Variants in ANO7 observed in about 807,000 individuals in gnomAD.
ANO7 encodes the protein anoctamin-7.
A neutral mutation model predicts 115.8 loss-of-function variants in ANO7; 114 were observed. That is an observed-to-expected ratio of 0.98 (90% confidence interval 0.85 to 1.15). ANO7 has a LOEUF of 1.15. ANO7 is among the 50% of genes most tolerant of loss of function. ANO7 has a pLI of 0.00. For missense variants in ANO7, 1,302 were observed against 1,201.2 expected, an observed-to-expected ratio of 1.08 and a Z score of -1.24; for synonymous variants, 550 against 498.2, an observed-to-expected ratio of 1.10 and a Z score of -1.38.
the ANO7 span, chr2:241,236,003 C>T: frequency 2.5e-5 from 5 of 198,594 alleles, no homozygotes; most frequent in Non-Finnish European, 5.1e-5. Flanking sequence ...TGGCTAATGC[C>T]CACGAGGTGC....
chr2:241,209,113 C>T (rs1461006290), intron 11 of ANO7, among the ~76,000 whole-genome samples, 172 bp from the exon 12 acceptor site: 2 of 152,220 alleles, frequency 1.3e-5, no homozygotes, highest in East Asian at 3.9e-4. Flanking sequence ...CGCGCCACTG[C>T]ACTCCAGCCT....
At chr2:241,191,310 C>A in intron 3 of ANO7, 59 bp downstream of exon 3, 2 of 1,595,608 alleles carry the variant, frequency 1.3e-6, no homozygotes, top group South Asian at 1.1e-5. Flanking sequence ...GGGGACACCA[C>A]GGGGGTGCCC....
chr2:241,226,949 C>T (rs759002411), downstream of ANO7, among the ~76,000 whole-genome samples: 4 of 152,180 alleles, frequency 2.6e-5, no homozygotes, highest in African/African-American at 9.7e-5. Flanking sequence ...ACTCACAGGC[C>T]GGGTCCAGGG....
At chr2:241,218,568 C>T (rs552878542) in intron 21 of ANO7, among the ~76,000 whole-genome samples, 187 bp downstream of exon 21, 1 of 152,012 alleles carries the variant, frequency 6.6e-6, no homozygotes, top group East Asian at 1.9e-4. Flanking sequence ...CGGTAAGGGA[C>T]GGAGCTTTGC....
intron 9 of ANO7, among the ~76,000 whole-genome samples, chr2:241,204,083 C>T (rs969631777): frequency 2.6e-5 from 4 of 152,312 alleles, no homozygotes; most frequent in African/African-American, 9.6e-5. Flanking sequence ...GGGCAGCGGG[C>T]GGGGCCGGCA....
chr2:241,198,252 C>G (rs554338875), intron 4 of ANO7, among the ~76,000 whole-genome samples: 1 of 152,212 alleles, frequency 6.6e-6, no homozygotes. Context: ...GGTGCCCCTC[C>G]CTGCCCCGCT....
chr2:241,216,359 T>G, intron 19 of ANO7, 121 bp downstream of exon 19: 20 of 1,232,586 alleles, frequency 1.6e-5, no homozygotes, highest in Non-Finnish European at 1.7e-5. Context: ...AAATGTGCTG[T>G]GGGGGTGGGG....
chr2:241,223,982 G>T, intron 24 of ANO7, 27 bp downstream of exon 24: 1 of 1,614,018 alleles, frequency 6.2e-7, no homozygotes, highest in South Asian at 1.1e-5. Context: ...CCAGGCCCCT[G>T]CCCCGTGCAC....
rs1312769020 is a variant in ANO7, at chr2:241,225,576, T to C, written c.*1423T>C. On this transcript the variant is annotated 3_prime_UTR_variant, in exon 25 of 25. Coordinates refer to ENST00000674324, the MANE Select transcript of ANO7 (RefSeq NM_001370694.2). The stretch of plus-strand genomic sequence containing the variant: ...TGTGGTTTTAATGTGCTTTGATGAG[T>C]ACTGCCAAACTTACTCCACAGAAAA... 6.6e-6 allele frequency among the ~76,000 whole-genome samples: 1 copy of C among 152,128 alleles called. No individual in the cohort carries two copies. The highest frequency in any genetic ancestry group is 1.5e-5 in the Non-Finnish European group (1 of 68,014).
In ANO7 at chr2:241,204,851, C is replaced by T. The variant is rs2068552556; in HGVS notation, c.890-14C>T. On this transcript the variant is annotated splice_polypyrimidine_tract_variant and intron_variant, in intron 9 of 24. Transcript: ENST00000674324. Reference sequence around the variant, plus strand: ...TGGGTTCCTGATGGTGGACCCCTGCCATCCTCTCTACAGGGTTTTACACAG... The same window carrying T: ...TGGGTTCCTGATGGTGGACCCCTGCTATCCTCTCTACAGGGTTTTACACAG... 2 of 1,609,074 alleles carry T rather than the reference C, an allele frequency of 1.2e-6. No individual in the cohort carries two copies. The highest frequency in any genetic ancestry group is 1.1e-5 in the South Asian group (1 of 90,890).
At chr2:241,201,898 G>T (rs1462802952) in intron 7 of ANO7, among the ~76,000 whole-genome samples, 2 of 152,224 alleles carry the variant, frequency 1.3e-5, no homozygotes, top group Non-Finnish European at 2.9e-5. Flanking sequence ...GGCTGCGCAC[G>T]GCCAGGCAGG....
the ANO7 span, chr2:241,235,992 T>C: frequency 4.8e-6 from 1 of 207,942 alleles, no homozygotes; most frequent in Non-Finnish European, 9.7e-6. Flanking sequence ...CAGGACGGCT[T>C]TGGCTAATGC....
chr2:241,231,057 A>G, the ANO7 span: 4 of 884,692 alleles, frequency 4.5e-6, no homozygotes, highest in Non-Finnish European at 7.1e-6. Context: ...GATGGAAAGC[A>G]ACGTCACGGC....
At chr2:241,226,574 G>C (rs533091112), downstream of ANO7, among the ~76,000 whole-genome samples, 1 of 151,966 alleles carries the variant, frequency 6.6e-6, no homozygotes, top group Admixed American at 6.6e-5. Context: ...ACAGGCGCCC[G>C]CCACCACACC....
the ANO7 span, chr2:241,233,768 G>GA: frequency 1.9e-6 from 3 of 1,608,752 alleles, no homozygotes; most frequent in Non-Finnish European, 2.5e-6. This position sits in a 1 kb window ranked among gnomAD's most constrained non-coding sequence, Gnocchi z 4.3. Context: ...CAAGTCACAG[G>GA]AAAGGTCAAC....
intron 21 of ANO7, among the ~76,000 whole-genome samples, chr2:241,222,017 A>C (rs141668540): frequency 1.3e-5 from 2 of 152,016 alleles, no homozygotes; most frequent in African/African-American, 4.8e-5. Context: ...GGTGGATCAC[A>C]AAGTCAGAAG....
At chr2:241,197,047 C>T (rs2068354981) in intron 4 of ANO7, among the ~76,000 whole-genome samples, 2 of 152,180 alleles carry the variant, frequency 1.3e-5, no homozygotes, top group Admixed American at 1.3e-4. Flanking sequence ...AGACTTTTAA[C>T]GTTTTACCAA....
downstream of ANO7, among the ~76,000 whole-genome samples, chr2:241,226,542 A>G (rs1383261950): frequency 6.6e-6 from 1 of 151,390 alleles, no homozygotes; most frequent in Non-Finnish European, 1.5e-5. Context: ...CTCCTGCCTC[A>G]GCCTCCCGAG....
chr2:241,229,784 G>GGGCCC, downstream of ANO7: 12 of 1,502,494 alleles, frequency 8.0e-6, no homozygotes, highest in African/African-American at 1.4e-5. Context: ...AAGCCCGCCT[G>GGGCCC]CCCGCCCACC....
Sources: allele counts gnomAD v4.1 joint callset (sites outside exome capture counted in the v4.1 genomes callset), GRCh38; gene constraint gnomAD v4.1.1; non-coding constraint Gnocchi (gnomAD v3.1); transcripts MANE v1.5; gene names NCBI Gene and HGNC (gene_info 2026-07-23, HGNC 2026-07-21).